The following TACC1 variants were observed in gnomAD, a reference collection of about 807,000 sequenced individuals.
TACC1 encodes the protein transforming acidic coiled-coil-containing protein 1.
TACC1 carries 48 observed loss-of-function variants against 84.4 expected under a neutral mutation model. That is an observed-to-expected ratio of 0.57 (90% CI 0.45 to 0.72). The LOEUF is 0.72. Among genes scored for constraint, TACC1 ranks in the 30% least tolerant of loss-of-function variants. The pLI, the probability that TACC1 is intolerant of heterozygous loss-of-function variation, is 0.00. For synonymous variants in TACC1, 372 were observed against 376.3 expected (o/e 0.99, Z 0.13); for missense variants, 920 against 973.0 (o/e 0.95, Z 0.72).
intron 9 of TACC1, 199 bp downstream of exon 9, chr8:38,840,466 G>C: frequency 2.2e-6 from 1 of 450,832 alleles, no homozygotes; most frequent in Non-Finnish European, 4.0e-6. Flanking sequence ...GGGCTGGCTA[G>C]CTCTCTGGGG....
chr8:38,841,412 A>C (rs1015021500), intron 9 of TACC1, among the ~76,000 whole-genome samples: 10 of 152,202 alleles, frequency 6.6e-5, no homozygotes, highest in Non-Finnish European at 1.5e-4. Context: ...AGACCAAAAG[A>C]AGAACACTTG....
At chr8:38,784,630 G>C (rs1816765830), upstream of TACC1, among the ~76,000 whole-genome samples, 1 of 152,114 alleles carries the variant, frequency 6.6e-6, no homozygotes, top group South Asian at 2.1e-4. Flanking sequence ...CCATCACTTG[G>C]TCCTGGGTTC....
rs754058347 is a variant in TACC1, at chr8:38,848,048, G to C, written c.*25G>C. On this transcript the variant is annotated 3_prime_UTR_variant, in exon 13 of 13. Transcript: ENST00000317827. ...AGACACTCCCCCTGTTAGCTCAACA[G>C]ATCTGCATTTGGCTGCTTCTCTTGT... The C allele has an allele frequency of 6.2e-7, 1 of 1,604,740 alleles. No homozygotes were observed. The highest frequency in any genetic ancestry group is 1.3e-5 in the African/African-American group (1 of 74,726).
intron 3 of TACC1, among the ~76,000 whole-genome samples, chr8:38,774,827 A>G (rs2151910889): frequency 6.6e-6 from 1 of 152,218 alleles, no homozygotes; most frequent in Admixed American, 6.5e-5. Flanking sequence ...CCTGTCCAAC[A>G]TGGTGAAACC....
intron 2 of TACC1, among the ~76,000 whole-genome samples, chr8:38,816,434 A>G (rs963910615): frequency 3.3e-5 from 5 of 152,188 alleles, no homozygotes; most frequent in Non-Finnish European, 7.4e-5. Context: ...TTCTTAAACT[A>G]TCTGTCCTTA....
At chr8:38,791,477 C>T (rs750042821) in intron 2 of TACC1, among the ~76,000 whole-genome samples, 21 of 152,130 alleles carry the variant, frequency 1.4e-4, no homozygotes, top group Non-Finnish European at 2.1e-4. Context: ...GTGCAACATC[C>T]GGAGCTAGTC....
chr8:38,828,959 T>C (rs1157436548), intron 5 of TACC1, among the ~76,000 whole-genome samples: 1 of 152,232 alleles, frequency 6.6e-6, no homozygotes, highest in Non-Finnish European at 1.5e-5. Flanking sequence ...ACCAGTGCAC[T>C]GTAAAATCTT....
intron 3 of TACC1, among the ~76,000 whole-genome samples, chr8:38,748,356 A>G (rs1351900987): frequency 2.0e-5 from 3 of 152,196 alleles, no homozygotes; most frequent in Admixed American, 6.5e-5. Flanking sequence ...GGCAATTATA[A>G]TTGGAAATTT....
intron 11 of TACC1, chr8:38,844,796 A>G (rs956764626): frequency 3.3e-5 from 5 of 152,222 alleles, no homozygotes; most frequent in African/African-American, 1.2e-4. Context: ...TGTCATAGTA[A>G]CAAAGATCTT....
chr8:38,732,733 G>A (rs552639846), intron 1 of TACC1, among the ~76,000 whole-genome samples: 27 of 152,284 alleles, frequency 1.8e-4, no homozygotes, highest in Non-Finnish European at 7.3e-5. Context: ...GCGATAGCAA[G>A]GTTTAGAGAA....
At chr8:38,831,215 T>C (rs1050307453) in intron 6 of TACC1, 38 bp downstream of exon 6, 62 of 1,607,344 alleles carry the variant, frequency 3.9e-5, no homozygotes, top group Non-Finnish European at 4.8e-5. Context: ...TGGACTCAGG[T>C]TTCTTTCAGT....
In TACC1 at chr8:38,775,253, G is replaced by A. The variant is rs1001224824; in HGVS notation, c.27-13451G>A. ...ATGAATCCTAGTTGTGCACTTTGGT[G>A]CCTGAGTAAACCTTCTTCCAAAAAG... On this transcript the variant is annotated intron_variant, in intron 3 of 14. Transcript: ENST00000518415. Among the ~76,000 whole-genome samples the A allele has an allele frequency of 2.6e-5, 4 of 152,100 alleles. No individual in the cohort carries two copies. In the East Asian group the frequency reaches 7.7e-4, roughly 29 times the overall value.
chr8:38,791,830 G>T (rs533102406), intron 2 of TACC1, among the ~76,000 whole-genome samples: 1 of 152,128 alleles, frequency 6.6e-6, no homozygotes, highest in Non-Finnish European at 1.5e-5. Flanking sequence ...GTACATAATG[G>T]CCCTCAAACG....
chr8:38,831,399 C>T (rs1039725906), intron 6 of TACC1, among the ~76,000 whole-genome samples: 1 of 152,176 alleles, frequency 6.6e-6, no homozygotes, highest in Non-Finnish European at 1.5e-5. Context: ...AAAGAAGAAG[C>T]ATAAATGTCT....
At chr8:38,812,827 C>T (rs1292063263) in intron 2 of TACC1, among the ~76,000 whole-genome samples, 1 of 152,206 alleles carries the variant, frequency 6.6e-6, no homozygotes, top group Non-Finnish European at 1.5e-5. Context: ...CTCTAAACTG[C>T]ATGAGAACAG....
chr8:38,820,754 AAGCTTATAATGT>A, intron 3 of TACC1, 119 bp downstream of exon 3: 5 of 1,384,220 alleles, frequency 3.6e-6, no homozygotes, highest in Non-Finnish European at 4.9e-6. Context: ...GGTTCATACA[AAGCTTATAATGT>A]TATCCTGCAG....
intron 1 of TACC1, among the ~76,000 whole-genome samples, chr8:38,730,419 T>C (rs1404293299): frequency 6.6e-6 from 1 of 152,284 alleles, no homozygotes; most frequent in Non-Finnish European, 1.5e-5. Context: ...ATGAACTACA[T>C]GATCAATAAT....
chr8:38,814,432 G>T (rs1373920171), intron 2 of TACC1, among the ~76,000 whole-genome samples: 1 of 152,152 alleles, frequency 6.6e-6, no homozygotes, highest in Non-Finnish European at 1.5e-5. Flanking sequence ...TACCTTTTCT[G>T]TGTTTAGATA....
chr8:38,807,996 G>A (rs1391200279), intron 2 of TACC1, among the ~76,000 whole-genome samples: 2 of 152,136 alleles, frequency 1.3e-5, no homozygotes, highest in African/African-American at 4.8e-5. Context: ...CTATTGAAAG[G>A]AAGAGTTTCA....
Sources: allele counts gnomAD v4.1 joint callset (sites outside exome capture counted in the v4.1 genomes callset), GRCh38; gene constraint gnomAD v4.1.1; transcripts MANE v1.5; gene names NCBI Gene and HGNC (gene_info 2026-07-23, HGNC 2026-07-21).